The following OVOL2 variants were observed in gnomAD, a reference collection of about 807,000 sequenced individuals.
OVOL2 encodes the protein ovo like zinc finger 2.
OVOL2 carries 13 observed loss-of-function variants against 18.1 expected under a neutral mutation model. The observed-to-expected ratio is 0.72, with a 90% CI of 0.47 to 1.14. The LOEUF is 1.14. Among genes scored for constraint, OVOL2 ranks in the 50% most tolerant of loss-of-function variants. The pLI is 0.00. For missense variants in OVOL2, 335 were observed against 383.0 expected (o/e 0.87, Z 1.05); for synonymous variants, 166 against 162.7 (o/e 1.02, Z -0.16).
chr20:18,036,728 G>A lies in OVOL2; in HGVS notation c.511+4806C>T, dbSNP rs368419875. 3.9e-5 allele frequency among the ~76,000 whole-genome samples: 6 copies of A among 152,134 alleles called. No individual in the cohort carries two copies. The East Asian group carries it at 7.8e-4, about 20-fold the overall frequency. ...CATCTTGGCACCACTGAACTCACAC[G>A]CTCACAGGCTCCTCTACAACCTACT... On this transcript the variant is annotated intron_variant, in intron 3 of 3. Coordinates refer to ENST00000278780, the MANE Select transcript of OVOL2 (RefSeq NM_021220.4).
chr20:18,047,874 A>G lies in OVOL2; in HGVS notation c.322-6151T>C, dbSNP rs1026826603. Among the ~76,000 whole-genome samples, 473 of 150,638 alleles carry G rather than the reference A, an allele frequency of 3.1e-3. 3 individuals are homozygous for G. Among genetic ancestry groups the G allele is most frequent in the Non-Finnish European group, 4.8e-3 (323 of 67,578 alleles). ...GTCTCAAAAAAAAAAAAAAAAAAAAAAAAGAAAGAAATGAAGAAATTAAAT... is the reference window on the plus strand; with the variant it reads ...GTCTCAAAAAAAAAAAAAAAAAAAAGAAAGAAAGAAATGAAGAAATTAAAT... On this transcript the variant is annotated intron_variant, in intron 2 of 3. Coordinates refer to ENST00000278780, the MANE Select transcript of OVOL2 (RefSeq NM_021220.4).
chr20:18,057,672 C>A lies in OVOL2; in HGVS notation c.-38G>T. 1 of 1,535,502 alleles carries A rather than the reference C, an allele frequency of 6.5e-7. No individual in the cohort carries two copies. The highest frequency in any genetic ancestry group is 1.4e-5 in the African/African-American group (1 of 71,612). ...TCTCCCGACTGCGGCCCCCTCCTCC[C>A]GGCTGCTCCCCGCTAGGGGCAACGG... On this transcript the variant is annotated 5_prime_UTR_variant, in exon 1 of 4. Coordinates refer to ENST00000278780, the MANE Select transcript of OVOL2 (RefSeq NM_021220.4). This position sits in a 1 kb window ranked among gnomAD's most constrained non-coding sequence, Gnocchi z 6.3.
At chr20:18,032,817 T>C (rs1388943286) in intron 3 of OVOL2, among the ~76,000 whole-genome samples, 4 of 152,090 alleles carry the variant, frequency 2.6e-5, no homozygotes, top group African/African-American at 7.2e-5. Context: ...CCAAGATATA[T>C]ATTATGTGAA....
intron 3 of OVOL2, among the ~76,000 whole-genome samples, chr20:18,037,150 A>AG (rs1555795019): frequency 1.2e-4 from 18 of 147,250 alleles, no homozygotes; most frequent in East Asian, 5.8e-4. Context: ...AAAAAAAAAA[A>AG]AAAGAAAGAA....
rs560633517 is a variant in OVOL2, at chr20:18,051,694, A to G, written c.321+4963T>C. 4.6e-5 allele frequency among the ~76,000 whole-genome samples: 7 copies of G among 152,332 alleles called. No individual in the cohort carries two copies. In the East Asian group the frequency reaches 9.6e-4, roughly 21 times the overall value. On this transcript the variant is annotated intron_variant, in intron 2 of 3. Coordinates refer to ENST00000278780, the MANE Select transcript of OVOL2 (RefSeq NM_021220.4). ...CCAGTACATTAGCCTCTGGTCACAC[A>G]TGGCTACTAGCATTTGAAATGTCGC...
chr20:18,025,153 AAAAC>A (rs528401680), intron 3 of OVOL2, among the ~76,000 whole-genome samples: 29 of 152,278 alleles, frequency 1.9e-4, no homozygotes, highest in African/African-American at 3.1e-4. Flanking sequence ...GCCAACATAG[AAAAC>A]AAACAAACAA....
intron 2 of OVOL2, among the ~76,000 whole-genome samples, chr20:18,045,401 T>C (rs559697060): frequency 5.3e-5 from 8 of 152,224 alleles, no homozygotes; most frequent in African/African-American, 1.2e-4. Context: ...TCACCAACCA[T>C]AGTTCAAACA....
chr20:18,047,386 C>T (rs1378850238), intron 2 of OVOL2, among the ~76,000 whole-genome samples: 1 of 135,120 alleles, frequency 7.4e-6, no homozygotes, highest in Non-Finnish European at 1.7e-5. Context: ...GGTGGCTACT[C>T]ATAATCCCAG....
chr20:18,037,049 TG>T (rs1313363891), intron 3 of OVOL2, among the ~76,000 whole-genome samples: 1 of 145,824 alleles, frequency 6.9e-6, no homozygotes, highest in African/African-American at 2.6e-5. Flanking sequence ...GGCAGGAGAC[TG>T]GCGTGAACCT....
intron 3 of OVOL2, among the ~76,000 whole-genome samples, chr20:18,025,624 C>T (rs922220278): frequency 1.3e-5 from 2 of 152,064 alleles, no homozygotes; most frequent in African/African-American, 2.4e-5. Context: ...GATTCCAGTA[C>T]AAGTAGTTTA....
chr20:18,032,937 A>G (rs997760054), intron 3 of OVOL2, among the ~76,000 whole-genome samples: 6 of 152,222 alleles, frequency 3.9e-5, no homozygotes, highest in Non-Finnish European at 7.3e-5. Context: ...CCTAATGAAC[A>G]TATTACCTTT....
In OVOL2 at chr20:18,024,771, C is replaced by A; in HGVS notation, c.693G>T (p.Leu231=). Reference sequence around the variant, plus strand: ...TGCCCGGATGGGCACTGTTCACGTGCAGGTACAGGTCCTCCTGGGTGGGGC... The same window carrying A: ...TGCCCGGATGGGCACTGTTCACGTGAAGGTACAGGTCCTCCTGGGTGGGGC... ...YTGPTQEDLY[L]HVNSAHPGSS... Residue 231 remains leucine (L), a synonymous_variant, in exon 4 of 4, where the codon CTG becomes CTT. Coordinates refer to ENST00000278780, the MANE Select transcript of OVOL2 (RefSeq NM_021220.4). 3 of 1,614,222 alleles carry A rather than the reference C, an allele frequency of 1.9e-6. No homozygotes were observed. Among genetic ancestry groups the A allele is most frequent in the African/African-American group, 1.3e-5 (1 of 75,048 alleles).
rs540723135 is a variant in OVOL2, at chr20:18,054,191, C to T, written c.321+2466G>A. On this transcript the variant is annotated intron_variant, in intron 2 of 3. Coordinates refer to ENST00000278780, the MANE Select transcript of OVOL2 (RefSeq NM_021220.4). ...GATGCTATCAAGTAGGTATCATTATCATCTTACAGATAAGGAAACCGAGGC... is the reference window on the plus strand; with the variant it reads ...GATGCTATCAAGTAGGTATCATTATTATCTTACAGATAAGGAAACCGAGGC... 7.9e-5 allele frequency among the ~76,000 whole-genome samples: 12 copies of T among 152,352 alleles called. No individual in the cohort carries two copies. In the South Asian group the frequency reaches 2.1e-3, roughly 26 times the overall value.
chr20:18,044,565 A>G (rs1258544893), intron 2 of OVOL2, among the ~76,000 whole-genome samples: 1 of 152,168 alleles, frequency 6.6e-6, no homozygotes, highest in African/African-American at 2.4e-5. Flanking sequence ...GCCCCAGCTA[A>G]CATTGATAAG....
upstream of OVOL2, among the ~76,000 whole-genome samples, chr20:18,058,174 C>T (rs1181202898): frequency 6.6e-6 from 1 of 152,088 alleles, no homozygotes; most frequent in Non-Finnish European, 1.5e-5. Context: ...CCCAGGGCAC[C>T]CCTCCGGTGA....
chr20:18,034,414 C>T (rs1389336762), intron 3 of OVOL2, among the ~76,000 whole-genome samples: 1 of 152,210 alleles, frequency 6.6e-6, no homozygotes, highest in Admixed American at 6.5e-5. Context: ...CAGCAAAACC[C>T]ATGCTCATCC....
rs890680601 is a variant in OVOL2, at chr20:18,056,845, C to CG, written c.132dup (p.Glu45ArgfsTer78). ...CTGCCGCCGTCGCTGCGGCAGTCCT[C>CG]GGGGGGGTCGTGGAGCAGGCGGCCT... On this transcript the variant is annotated frameshift_variant, in exon 2 of 4. Coordinates refer to ENST00000278780, the MANE Select transcript of OVOL2 (RefSeq NM_021220.4). LOFTEE classifies it high-confidence loss of function. The surrounding 1 kb of genome is among the most constrained non-coding windows in gnomAD (Gnocchi z 4.2). The CG allele has an allele frequency of 2.0e-5, 30 of 1,487,032 alleles. No homozygotes were observed. Among genetic ancestry groups the CG allele is most frequent in the Admixed American group, 1.6e-4 (7 of 44,004 alleles). The allele number at this position is 1,487,032 out of a possible 1,614,324, so 92.1% of individuals were successfully genotyped here.
At chr20:18,046,987 A>G (rs1356957704) in intron 2 of OVOL2, among the ~76,000 whole-genome samples, 4 of 152,088 alleles carry the variant, frequency 2.6e-5, no homozygotes, top group Middle Eastern at 3.2e-3. Context: ...GTGATATGGA[A>G]TGTCATTTAA....
intron 3 of OVOL2, among the ~76,000 whole-genome samples, chr20:18,030,167 C>T (rs373162367): frequency 7.2e-5 from 11 of 152,328 alleles, no homozygotes; most frequent in East Asian, 1.9e-4. Context: ...GGAATGCGCC[C>T]GCTCTAGCTT....
Sources: allele counts gnomAD v4.1 joint callset (sites outside exome capture counted in the v4.1 genomes callset), GRCh38; gene constraint gnomAD v4.1.1; non-coding constraint Gnocchi (gnomAD v3.1); transcripts MANE v1.5; gene names NCBI Gene and HGNC (gene_info 2026-07-23, HGNC 2026-07-21).